Variants in ANKMY1 observed in about 807,000 individuals in gnomAD.
The protein encoded by ANKMY1 is ankyrin repeat and MYND domain containing 1.
A neutral mutation model predicts 102.0 loss-of-function variants in ANKMY1; 98 were observed. That is an observed-to-expected ratio of 0.96 (90% CI 0.82 to 1.14). ANKMY1 has a LOEUF of 1.14. ANKMY1 is among the 50% of genes most tolerant of loss of function. The probability of loss-of-function intolerance (pLI) is 0.00; values close to 1 mark genes in which losing one functional copy is unlikely to be tolerated. For missense variants in ANKMY1, 1,330 were observed against 1,347.6 expected (o/e 0.99, Z 0.20); for synonymous variants, 582 against 559.9 (o/e 1.04, Z -0.56).
intron 4 of ANKMY1, among the ~76,000 whole-genome samples, chr2:240,543,606 C>A (rs917417713): frequency 6.6e-6 from 1 of 151,980 alleles, no homozygotes; most frequent in African/African-American, 2.4e-5. Context: ...GGTGAAAATA[C>A]CCATGTAGTT....
At chr2:240,477,525 A>G (rs1214293585), downstream of ANKMY1, among the ~76,000 whole-genome samples, 2 of 152,060 alleles carry the variant, frequency 1.3e-5, no homozygotes, top group Admixed American at 1.3e-4. Context: ...CCTCCTGAGT[A>G]GCTGGGACTA....
rs530698828 is a variant in ANKMY1 at position 240,533,862 on chromosome 2, A to T, written c.481-4353T>A. Among the ~76,000 whole-genome samples the T allele has an allele frequency of 2.1e-4, 32 of 152,366 alleles. 1 individual carries two copies. The South Asian group carries it at 6.6e-3, about 32-fold the overall frequency. The stretch of plus-strand genomic sequence containing the variant: ...AAAGGTTGAAAGTAAAGTTACAGAG[A>T]AAGACGCATCACAGGAAAAATACTG... On this transcript the variant is annotated intron_variant, in intron 4 of 17. Coordinates refer to ENST00000401804, the MANE Select transcript of ANKMY1 (RefSeq NM_001282771.3).
chr2:240,499,971 G>C lies in ANKMY1; in HGVS notation c.2793C>G (p.Tyr931Ter), dbSNP rs766231318. Reference protein sequence around the residue: ...KESQWDPTWLYLCKRAELIPS... With the variant: ...KESQWDPTWL ...CCCACTGCTCACCTCTCTTGCACAGGTACAGCCACGTGGGGTCCCACTGGC... is the reference window on the plus strand; with the variant it reads ...CCCACTGCTCACCTCTCTTGCACAGCTACAGCCACGTGGGGTCCCACTGGC... Residue 931 changes from tyrosine to a stop codon, truncating the protein, a stop_gained, in exon 15 of 18, where the codon TAC (tyrosine) becomes TAG (stop). Coordinates refer to ENST00000401804, the MANE Select transcript of ANKMY1 (RefSeq NM_001282771.3). LOFTEE classifies it high-confidence loss of function. The surrounding 1 kb of genome is among the most constrained non-coding windows in gnomAD (Gnocchi z 4.2). 2.5e-6 allele frequency: 4 copies of C among 1,612,442 alleles called. No individual in the cohort carries two copies. Among genetic ancestry groups the C allele is most frequent in the African/African-American group, 2.7e-5 (2 of 74,930 alleles).
At chr2:240,534,467 T>C (rs1210989702) in intron 4 of ANKMY1, among the ~76,000 whole-genome samples, 1 of 151,688 alleles carries the variant, frequency 6.6e-6, no homozygotes, top group Non-Finnish European at 1.5e-5. Context: ...CCCAGCATGG[T>C]GATGCATGCC....
rs1254849401 is a variant in ANKMY1, at chr2:240,499,734, A to G, written c.2806+224T>C. 1.3e-5 allele frequency among the ~76,000 whole-genome samples: 2 copies of G among 151,418 alleles called. No homozygotes were observed. The highest frequency in any genetic ancestry group is 1.9e-4 in the East Asian group (1 of 5,138). On this transcript the variant is annotated intron_variant, in intron 15 of 17. Transcript: ENST00000401804. The surrounding 1 kb of genome is among the most constrained non-coding windows in gnomAD (Gnocchi z 4.2). ...CCTGGGCCCTGGCCCTAGGCCACCA[A>G]CTCCTCTTCCCAGGGACATCTCCCC...
chr2:240,502,118 T>A (rs2078292223), intron 13 of ANKMY1, among the ~76,000 whole-genome samples: 1 of 152,058 alleles, frequency 6.6e-6, no homozygotes, highest in African/African-American at 2.4e-5. Flanking sequence ...GGTGGGTGGA[T>A]GATGGATCGA....
At chr2:240,553,449 G>A (rs1232546543) in intron 3 of ANKMY1, 3 of 232,422 alleles carry the variant, frequency 1.3e-5, no homozygotes, top group Non-Finnish European at 1.7e-5. Context: ...GTGACAGGCT[G>A]GCCCTGGAAG....
Position 240,553,084 on chromosome 2 carries a change from A to AT in ANKMY1, c.337-28dup. 1.9e-6 allele frequency: 3 copies of AT among 1,609,214 alleles called. No homozygotes were observed. The African/African-American group carries it at 4.0e-5, about 21-fold the overall frequency. On this transcript the variant is annotated intron_variant, in intron 3 of 17. Coordinates refer to ENST00000401804, the MANE Select transcript of ANKMY1 (RefSeq NM_001282771.3). ...TGTGAGATGGAGAAGTTGGTGAGAA[A>AT]TTGCTGCTCTTCCAGAACCTGACGG...
chr2:240,554,838 G>A, intron 3 of ANKMY1, 28 bp downstream of exon 3: 7 of 1,612,408 alleles, frequency 4.3e-6, no homozygotes, highest in South Asian at 2.2e-5. Context: ...CCTAGGGGAG[G>A]AGGCGGAGAA....
At chr2:240,514,040 G>A (rs1381235168) in intron 9 of ANKMY1, among the ~76,000 whole-genome samples, 1 of 152,222 alleles carries the variant, frequency 6.6e-6, no homozygotes, top group African/African-American at 2.4e-5. Flanking sequence ...GCACGGGGCC[G>A]TGCATCTACA....
At chr2:240,517,385 G>T (rs1358425163) in intron 9 of ANKMY1, among the ~76,000 whole-genome samples, 1 of 152,186 alleles carries the variant, frequency 6.6e-6, no homozygotes, top group Non-Finnish European at 1.5e-5. Context: ...TGAGAAGACT[G>T]GTTCTCCCAA....
At chr2:240,528,396 C>T (rs943775562) in intron 5 of ANKMY1, among the ~76,000 whole-genome samples, 2 of 150,680 alleles carry the variant, frequency 1.3e-5, no homozygotes, top group African/African-American at 2.4e-5. Context: ...CAGAGCAGAG[C>T]ATCTTTTCAC....
chr2:240,533,228 AT>A (rs534951819), intron 4 of ANKMY1, among the ~76,000 whole-genome samples: 15 of 152,160 alleles, frequency 9.9e-5, no homozygotes, highest in Non-Finnish European at 1.8e-4. Flanking sequence ...TGAAAACAAG[AT>A]TTTTTTTAAA....
chr2:240,515,301 C>A (rs1361192309), intron 9 of ANKMY1, among the ~76,000 whole-genome samples: 2 of 152,114 alleles, frequency 1.3e-5, no homozygotes, highest in African/African-American at 4.8e-5. Context: ...CTTCGGGAGG[C>A]CAAGGTGGGC....
In ANKMY1 at chr2:240,520,157, G is replaced by A. The variant is rs972313974; in HGVS notation, c.2004+205C>T. On this transcript the variant is annotated intron_variant, in intron 9 of 17. Coordinates refer to ENST00000401804, the MANE Select transcript of ANKMY1 (RefSeq NM_001282771.3). The surrounding 1 kb of genome is among the most constrained non-coding windows in gnomAD (Gnocchi z 4.8). ...CGTGAAGTACTCTAAAAACTAGCTC[G>A]GTGTCCAAATCCTGTCTGGGGACAT... is the stretch of plus-strand genomic sequence containing the variant. 7.3e-5 allele frequency: 60 copies of A among 824,792 alleles called. No homozygotes were observed. The highest frequency in any genetic ancestry group is 2.2e-4 in the African/African-American group (13 of 59,200). The allele number at this position is 824,792 out of a possible 1,614,324, so 51.1% of individuals were successfully genotyped here. A position where few individuals can be genotyped will look rare whatever the true frequency, so the allele number is the denominator to read the frequency against.
At position 240,520,514 on chromosome 2, in the gene ANKMY1, T is replaced by A. The variant is rs1203116643; in HGVS notation, c.1852A>T (p.Thr618Ser). ...CCCCGGCGCAGCAGCAGCTTGATGG[T>A]CCGCCAGCGCTTCCTCCGCCTGAAA... Reference protein sequence around the residue: ...SMIERRKRWRTIKLLLRRGAD... With the variant: ...SMIERRKRWRSIKLLLRRGAD... The change falls in exon 9 of 18, where the codon ACC becomes TCC. Residue 618 changes from threonine to serine, a missense_variant. By Grantham distance (58) the Thr-to-Ser change is moderately conservative. Coordinates refer to ENST00000401804, the MANE Select transcript of ANKMY1 (RefSeq NM_001282771.3). The surrounding 1 kb of genome is among the most constrained non-coding windows in gnomAD (Gnocchi z 4.8). 38 of 1,612,410 alleles carry A rather than the reference T, an allele frequency of 2.4e-5. No homozygotes were observed. Among genetic ancestry groups the A allele is most frequent in the Non-Finnish European group, 3.1e-5 (37 of 1,179,286 alleles).
downstream of ANKMY1, among the ~76,000 whole-genome samples, chr2:240,477,311 T>A (rs550655919): frequency 1.3e-5 from 2 of 152,290 alleles, no homozygotes; most frequent in East Asian, 3.9e-4. Context: ...AGAGAAACTC[T>A]GTCTCAAAAA....
At chr2:240,511,817 C>T (rs1038641426) in intron 11 of ANKMY1, 44 bp downstream of exon 11, 15 of 1,530,648 alleles carry the variant, frequency 9.8e-6, no homozygotes, top group East Asian at 2.5e-5. Context: ...GTGGCCCCAC[C>T]GCTGGGCAGC....
Position 240,524,144 on chromosome 2 carries a change from GGGAGTCCCCCTTCAGAGA to G in ANKMY1, c.1555_1572del (p.Ser519_Ser524del). On this transcript the variant is annotated inframe_deletion, in exon 8 of 18. Transcript: ENST00000401804. ...TGGCCAAGGCTGCCCTTCACCAACG[GGGAGTCCCCCTTCAGAGA>G]GCTGCTCCTGTGGTCTATGGACCCC... is the stretch of plus-strand genomic sequence containing the variant. 2 of 1,613,942 alleles carry G rather than the reference GGGAGTCCCCCTTCAGAGA, an allele frequency of 1.2e-6. No individual in the cohort carries two copies. The highest frequency in any genetic ancestry group is 2.7e-5 in the African/African-American group (2 of 75,040).
Sources: gnomAD v4.1 joint callset for allele counts (sites outside exome capture counted in the v4.1 genomes callset) on GRCh38, gnomAD v4.1.1 for gene constraint, Gnocchi (gnomAD v3.1) non-coding constraint, MANE v1.5 for transcripts, NCBI Gene and HGNC (gene_info 2026-07-23, HGNC 2026-07-21) for gene names.